MAGI2: variants seen among roughly 807,000 people sequenced by gnomAD.
MAGI2 encodes membrane-associated guanylate kinase, WW and PDZ domain-containing protein 2.
A neutral mutation model predicts 133.3 loss-of-function variants in MAGI2; 35 were observed. The ratio of observed to expected loss-of-function variants is 0.26; its 90% CI spans 0.20 to 0.35. MAGI2 has a LOEUF of 0.35. Among genes scored for constraint, MAGI2 ranks in the 10% least tolerant of loss-of-function variants. MAGI2 has a pLI of 1.00. For missense variants in MAGI2, 1,636 were observed against 1,863.4 expected, an observed-to-expected ratio of 0.88 and a Z score of 2.25; for synonymous variants, 729 against 710.6, an observed-to-expected ratio of 1.03 and a Z score of -0.41.
chr7:79,025,475 C>T (rs1562801581), intron 1 of MAGI2, among the ~76,000 whole-genome samples: 2 of 152,034 alleles, frequency 1.3e-5, no homozygotes, highest in Admixed American at 6.6e-5. Flanking sequence ...ATATAGAAGC[C>T]TCCACATGTA....
chr7:78,552,707 T>A (rs1799456915), intron 3 of MAGI2, among the ~76,000 whole-genome samples: 1 of 152,112 alleles, frequency 6.6e-6, no homozygotes, highest in Non-Finnish European at 1.5e-5. Context: ...CGGACATAGA[T>A]TACTTGTGTT....
At chr7:78,305,670 C>T (rs892192623) in intron 9 of MAGI2, among the ~76,000 whole-genome samples, 1 of 152,132 alleles carries the variant, frequency 6.6e-6, no homozygotes, top group Non-Finnish European at 1.5e-5. Context: ...ACTCAGGAAT[C>T]CTCTAGAAGG....
intron 20 of MAGI2, among the ~76,000 whole-genome samples, chr7:78,088,890 AGGATTGTTTGGGT>A (rs1228974019): frequency 6.6e-6 from 1 of 152,242 alleles, no homozygotes; most frequent in Non-Finnish European, 1.5e-5. Flanking sequence ...ACGATTATCC[AGGATTGTTTGGGT>A]GGGCCTAATA....
chr7:79,049,005 T>G (rs1584787783), intron 1 of MAGI2, among the ~76,000 whole-genome samples: 1 of 152,310 alleles, frequency 6.6e-6, no homozygotes, highest in East Asian at 1.9e-4. Flanking sequence ...TAAACTGTTC[T>G]GTTGCTATGG....
chr7:78,156,450 G>C (rs1178039899), intron 16 of MAGI2, among the ~76,000 whole-genome samples: 1 of 152,084 alleles, frequency 6.6e-6, no homozygotes, highest in Admixed American at 6.5e-5. Flanking sequence ...TGAGCTGGTG[G>C]AATGAAAGAT....
chr7:79,145,603 C>G (rs1822543699), intron 1 of MAGI2, among the ~76,000 whole-genome samples: 1 of 152,106 alleles, frequency 6.6e-6, no homozygotes, highest in Non-Finnish European at 1.5e-5. Flanking sequence ...AAAATACATA[C>G]TAGTTGCACT....
chr7:78,406,768 T>C lies in MAGI2; in HGVS notation c.1046-37555A>G, dbSNP rs149257712. On this transcript the variant is annotated intron_variant, in intron 6 of 21. Coordinates refer to ENST00000354212, the MANE Select transcript of MAGI2 (RefSeq NM_012301.4). ...AACACTTTACACAGCTGTAAACTTA[T>C]TGTAGCTATGGTAAGGATAAAGCTG... Among the ~76,000 whole-genome samples, 62 of 152,168 alleles carry C rather than the reference T, an allele frequency of 4.1e-4. 1 individual carries two copies. In the East Asian group the frequency reaches 0.011, roughly 28 times the overall value.
intron 2 of MAGI2, among the ~76,000 whole-genome samples, chr7:78,849,092 C>G (rs1273214089): frequency 2.0e-5 from 3 of 152,038 alleles, no homozygotes; most frequent in African/African-American, 7.2e-5. Flanking sequence ...TTTAGAAACT[C>G]TATTCTAATT....
At chr7:79,115,948 T>G (rs933328400) in intron 1 of MAGI2, among the ~76,000 whole-genome samples, 3 of 148,172 alleles carry the variant, frequency 2.0e-5, no homozygotes, top group African/African-American at 7.5e-5. Flanking sequence ...AAACACCATT[T>G]TCCAGATTGT....
intron 3 of MAGI2, among the ~76,000 whole-genome samples, chr7:78,609,684 G>A (rs1806231831): frequency 6.6e-6 from 1 of 152,126 alleles, no homozygotes; most frequent in Admixed American, 6.5e-5. Flanking sequence ...TGGACCATTT[G>A]TAGTCCTGCC....
chr7:79,370,537 A>C (rs978105791), intron 1 of MAGI2, among the ~76,000 whole-genome samples: 1 of 152,180 alleles, frequency 6.6e-6, no homozygotes, highest in African/African-American at 2.4e-5. Context: ...TAAAGGATCA[A>C]TTTACACAAA....
chr7:79,260,910 T>G (rs991764255), intron 1 of MAGI2, among the ~76,000 whole-genome samples: 1 of 152,184 alleles, frequency 6.6e-6, no homozygotes, highest in African/African-American at 2.4e-5. Context: ...TGGTACTAAC[T>G]GAATGGGGGT....
chr7:78,699,590 C>A (rs555111145), intron 2 of MAGI2, among the ~76,000 whole-genome samples: 22 of 152,204 alleles, frequency 1.4e-4, no homozygotes, highest in African/African-American at 5.1e-4. Context: ...TACTTCTAGG[C>A]CCAAGCATTC....
intron 3 of MAGI2, among the ~76,000 whole-genome samples, chr7:78,602,851 AATC>A (rs1161253666): frequency 6.6e-6 from 1 of 152,230 alleles, no homozygotes; most frequent in East Asian, 1.9e-4. Context: ...TTAAAAAGAA[AATC>A]ATCATATTAT....
Position 79,006,868 on chromosome 7 carries a change from A to G in MAGI2, c.418+222T>C, listed in dbSNP as rs75099414. Reference sequence around the variant, plus strand: ...TTCAGAAATGTAAGTTAGATTTTATAGCTTGAAAATCACAAGTTTCTTCTG... The same window carrying G: ...TTCAGAAATGTAAGTTAGATTTTATGGCTTGAAAATCACAAGTTTCTTCTG... On this transcript the variant is annotated intron_variant, in intron 2 of 21. Coordinates refer to ENST00000354212, the MANE Select transcript of MAGI2 (RefSeq NM_012301.4). The G allele has an allele frequency of 0.039, 16,150 of 410,634 alleles. 1,049 individuals carry two copies. The highest frequency in any genetic ancestry group is 0.19 in the East Asian group (4,994 of 26,328). The allele number at this position is 410,634 out of a possible 1,614,324, so 25.4% of individuals were successfully genotyped here. A position where few individuals can be genotyped will look rare whatever the true frequency, so the allele number is the denominator to read the frequency against.
intron 7 of MAGI2, among the ~76,000 whole-genome samples, chr7:78,363,371 T>C (rs1360968883): frequency 1.3e-5 from 2 of 152,138 alleles, no homozygotes; most frequent in Non-Finnish European, 2.9e-5. Flanking sequence ...CGGGTGCCTG[T>C]AGTCCCAGCT....
At chr7:78,781,284 C>T (rs1377039170) in intron 2 of MAGI2, among the ~76,000 whole-genome samples, 4 of 148,376 alleles carry the variant, frequency 2.7e-5, no homozygotes, top group Non-Finnish European at 5.9e-5. Context: ...GAGGCTGAGG[C>T]AGGAGAATGG....
chr7:78,565,834 A>T (rs1193512273), intron 3 of MAGI2, among the ~76,000 whole-genome samples: 1 of 152,214 alleles, frequency 6.6e-6, no homozygotes, highest in African/African-American at 2.4e-5. Context: ...TTCTTCATGC[A>T]GTCAAATAGC....
rs1181217195 is a variant in MAGI2 at position 78,022,673 on chromosome 7, A to G, written c.3707-2697T>C. On this transcript the variant is annotated intron_variant, in intron 21 of 21. Transcript: ENST00000354212. ...GAAGACTTAGCATTTATTTCTGAACATCTTACTACATATCTGGCATTGAAC... is the reference window on the plus strand; with the variant it reads ...GAAGACTTAGCATTTATTTCTGAACGTCTTACTACATATCTGGCATTGAAC... Among the ~76,000 whole-genome samples, 6 of 152,214 alleles carry G rather than the reference A, an allele frequency of 3.9e-5. No individual in the cohort carries two copies. In the East Asian group the frequency reaches 1.2e-3, roughly 29 times the overall value.
Sources: gnomAD v4.1 joint callset for allele counts (sites outside exome capture counted in the v4.1 genomes callset) on GRCh38, gnomAD v4.1.1 for gene constraint, MANE v1.5 for transcripts, NCBI Gene and HGNC (gene_info 2026-07-23, HGNC 2026-07-21) for gene names.